CD180: variants seen among roughly 807,000 people sequenced by gnomAD.
CD180 encodes CD180 molecule.
In CD180, 11 loss-of-function variants were observed where a neutral mutation model predicts 10.7. The ratio of observed to expected loss-of-function variants is 1.03; its 90% CI spans 0.65 to 1.70. CD180 has a LOEUF of 1.70. CD180 is among the 40% of genes most tolerant of loss of function. The pLI is 0.00. For missense variants in CD180, 729 were observed against 775.2 expected, an observed-to-expected ratio of 0.94 and a Z score of 0.71; for synonymous variants, 286 against 294.6, an observed-to-expected ratio of 0.97 and a Z score of 0.30.
At chr5:67,196,255 G>T (rs1742401722) in intron 1 of CD180, among the ~76,000 whole-genome samples, 1 of 152,058 alleles carries the variant, frequency 6.6e-6, no homozygotes, top group South Asian at 2.1e-4. Context: ...CAGGTTTAGG[G>T]GTCTGCTTTG....
chr5:67,186,008 T>C lies in CD180; in HGVS notation c.100A>G (p.Asn34Asp). ...AAATTTTCACAGTTATATGTTTTGTTGGCTTCTTTCTGATGGGAGAAACAA... is the reference window on the plus strand; with the variant it reads ...AAATTTTCACAGTTATATGTTTTGTCGGCTTCTTTCTGATGGGAGAAACAA... Reference protein sequence around the residue: ...WDQMCIEKEANKTYNCENLGL... With the variant: ...WDQMCIEKEADKTYNCENLGL... Residue 34 changes from asparagine to aspartate, a missense_variant, in exon 2 of 3, where the codon AAC (asparagine) becomes GAC (aspartate). Physicochemically the swap from Asn to Asp is conservative, Grantham distance 23. Coordinates refer to ENST00000256447, the MANE Select transcript of CD180 (RefSeq NM_005582.3). 1 of 1,583,080 alleles carries C rather than the reference T, an allele frequency of 6.3e-7. No individual in the cohort carries two copies. The highest frequency in any genetic ancestry group is 2.3e-5 in the East Asian group (1 of 44,132).
Position 67,183,310 on chromosome 5 carries a change from T to C in CD180, c.1533A>G (p.Ile511Met). 1 of 1,614,184 alleles carries C rather than the reference T, an allele frequency of 6.2e-7. No individual in the cohort carries two copies. The highest frequency in any genetic ancestry group is 8.5e-7 in the Non-Finnish European group (1 of 1,180,036). ...LILSSCGLLSIDQQAFHSLGK... is the reference protein window; with the variant it reads ...LILSSCGLLSMDQQAFHSLGK... ...CCAAGCTGTGGAATGCTTGCTGGTC[T>C]ATAGAGAGGAGACCACAAGAGGACA... Residue 511 changes from isoleucine to methionine, a missense_variant, in exon 3 of 3, where the codon ATA becomes ATG. Physicochemically the swap from Ile to Met is conservative, Grantham distance 10. Transcript: ENST00000256447.
At position 67,183,025 on chromosome 5, in the gene CD180, C is replaced by A; in HGVS notation, c.1818G>T (p.Thr606=). 1 of 1,614,168 alleles carries A rather than the reference C, an allele frequency of 6.2e-7. No homozygotes were observed. Residue 606 remains threonine, a synonymous_variant, in exon 3 of 3, where the codon ACG becomes ACT. Transcript: ENST00000256447. The part of the protein sequence containing the change: ...LHKLEGSEET[T]CANPPSLRGV... ...CCCTTAGAGATGGCGGGTTTGCACA[C>A]GTGGTCTCCTCCGAGCCTTCAAGTT...
In CD180 at chr5:67,182,826, A is replaced by G. The variant is rs1742075685; in HGVS notation, c.*31T>C. 6.5e-7 allele frequency: 1 copy of G among 1,547,066 alleles called. No homozygotes were observed. The highest frequency in any genetic ancestry group is 1.9e-5 in the Admixed American group (1 of 51,824). On this transcript the variant is annotated 3_prime_UTR_variant, in exon 3 of 3. Transcript: ENST00000256447. ...CACTTAGAGCAATTTTGCTAAGCAC[A>G]CTTATTTGCTTTCTCTGGAAACCTT...
In CD180 at chr5:67,183,007, AGAT is replaced by A. The variant is rs1205368194; in HGVS notation, c.1833_1835del (p.Ser612del). Reference sequence around the variant, plus strand: ...CATCAGATAGCTTAACTCCCCTTAGAGATGGCGGGTTTGCACACGTGGTCTCCT... The same window carrying A: ...CATCAGATAGCTTAACTCCCCTTAGAGGCGGGTTTGCACACGTGGTCTCCT... On this transcript the variant is annotated inframe_deletion, in exon 3 of 3. Transcript: ENST00000256447. The A allele has an allele frequency of 6.2e-7, 1 of 1,614,198 alleles. No individual in the cohort carries two copies. Among genetic ancestry groups the A allele is most frequent in the South Asian group, 1.1e-5 (1 of 91,090 alleles).
chr5:67,192,027 A>G (rs1380552810), intron 1 of CD180, among the ~76,000 whole-genome samples: 1 of 152,210 alleles, frequency 6.6e-6, no homozygotes. Context: ...TGAGGTAGGC[A>G]AAGATTTCTT....
rs1742153632 is a variant in CD180 at position 67,184,898 on chromosome 5, C to T, written c.258-313G>A. 2.0e-5 allele frequency among the ~76,000 whole-genome samples: 3 copies of T among 151,800 alleles called. No individual in the cohort carries two copies. In the South Asian group the frequency reaches 6.2e-4, roughly 32 times the overall value. ...TTATTATTTACTGTTTTAAGTAATA[C>T]AAAATATATCATATAGAATGCATAA... On this transcript the variant is annotated intron_variant, in intron 2 of 2. Transcript: ENST00000256447.
At chr5:67,195,649 C>A (rs1184178940) in intron 1 of CD180, among the ~76,000 whole-genome samples, 1 of 152,250 alleles carries the variant, frequency 6.6e-6, no homozygotes, top group African/African-American at 2.4e-5. Context: ...CAAGGCTCTG[C>A]TCACCCAGCT....
intron 1 of CD180, among the ~76,000 whole-genome samples, chr5:67,196,064 T>C (rs1742396265): frequency 6.6e-6 from 1 of 152,198 alleles, no homozygotes; most frequent in Non-Finnish European, 1.5e-5. Flanking sequence ...GTAAAACAGA[T>C]GGAAGGCTGT....
At position 67,182,782 on chromosome 5, in the gene CD180, C is replaced by T. The variant is rs575426264; in HGVS notation, c.*75G>A. 1.0e-5 allele frequency: 13 copies of T among 1,263,866 alleles called. No homozygotes were observed. The South Asian group carries it at 1.4e-4, about 13-fold the overall frequency. The allele number at this position is 1,263,866 out of a possible 1,614,324, so 78.3% of individuals were successfully genotyped here. Reference sequence around the variant, plus strand: ...AATCTGAAAAGTCTGGTCTGGTCACCAGCAGATGACAGTTCTTTCACTTAG... The same window carrying T: ...AATCTGAAAAGTCTGGTCTGGTCACTAGCAGATGACAGTTCTTTCACTTAG... On this transcript the variant is annotated 3_prime_UTR_variant, in exon 3 of 3. Coordinates refer to ENST00000256447, the MANE Select transcript of CD180 (RefSeq NM_005582.3).
chr5:67,189,175 CA>C (rs2151167658), intron 1 of CD180, among the ~76,000 whole-genome samples: 1 of 152,314 alleles, frequency 6.6e-6, no homozygotes, highest in African/African-American at 2.4e-5. Context: ...GGCCCTACAG[CA>C]AAAGGCTCAA....
rs776059538 is a variant in CD180, at chr5:67,183,577, T to C, written c.1266A>G (p.Leu422=). The C allele has an allele frequency of 4.3e-6, 7 of 1,614,094 alleles. No homozygotes were observed. Among genetic ancestry groups the C allele is most frequent in the Non-Finnish European group, 5.1e-6 (6 of 1,180,042 alleles). Residue 422 remains leucine (L), a synonymous_variant, in exon 3 of 3, where the codon CTA becomes CTG. Coordinates refer to ENST00000256447, the MANE Select transcript of CD180 (RefSeq NM_005582.3). ...QSQAFKECPQ[L]ELLDLAFTRL... ...GGGTAAATGCCAAATCGAGGAGTTCTAGCTGAGGACATTCTTTGAATGCCT... is the reference window on the plus strand; with the variant it reads ...GGGTAAATGCCAAATCGAGGAGTTCCAGCTGAGGACATTCTTTGAATGCCT...
At chr5:67,192,020 G>A (rs1179610213) in intron 1 of CD180, among the ~76,000 whole-genome samples, 2 of 152,110 alleles carry the variant, frequency 1.3e-5, no homozygotes, top group East Asian at 1.9e-4. Flanking sequence ...ACGGTCTTGA[G>A]GTAGGCAAAG....
At chr5:67,191,228 A>T (rs1742298847) in intron 1 of CD180, 2 of 373,010 alleles carry the variant, frequency 5.4e-6, no homozygotes, top group Non-Finnish European at 3.7e-6. Context: ...GCTTGGGTTC[A>T]AATCCTAGCT....
chr5:67,190,741 C>T (rs1742289698), intron 1 of CD180, among the ~76,000 whole-genome samples: 1 of 152,212 alleles, frequency 6.6e-6, no homozygotes, highest in Non-Finnish European at 1.5e-5. Context: ...GACCTGTGCT[C>T]CCAGAGCTAC....
At position 67,184,143 on chromosome 5, in the gene CD180, T is replaced by C; in HGVS notation, c.700A>G (p.Asn234Asp). Residue 234 changes from asparagine to aspartate, a missense_variant, in exon 3 of 3, where the codon AAT becomes GAT. Physicochemically the swap from Asn to Asp is conservative, Grantham distance 23. Coordinates refer to ENST00000256447, the MANE Select transcript of CD180 (RefSeq NM_005582.3). ...FQSLNFGGTP[N>D]LSVIFNGLQN... ...AGACCATTGAATATAACAGACAAATTTGGAGTTCCTCCAAAGTTCAAACTT... is the reference window on the plus strand; with the variant it reads ...AGACCATTGAATATAACAGACAAATCTGGAGTTCCTCCAAAGTTCAAACTT... 2 of 1,614,096 alleles carry C rather than the reference T, an allele frequency of 1.2e-6. No homozygotes were observed. The highest frequency in any genetic ancestry group is 1.1e-5 in the South Asian group (1 of 91,076).
chr5:67,187,609 T>C (rs1006094461), intron 1 of CD180, among the ~76,000 whole-genome samples: 55 of 152,188 alleles, frequency 3.6e-4, no homozygotes, highest in African/African-American at 1.3e-3. Flanking sequence ...GGGGTCATTA[T>C]TTATCTGGCT....
rs1742044336 is a variant in CD180, at chr5:67,181,298, ATAT to A, written c.*1556_*1558del. On this transcript the variant is annotated 3_prime_UTR_variant, in exon 3 of 3. Transcript: ENST00000256447. ...GAGAAGAAATCCCTCAAAGGAGAAA[ATAT>A]TAGCACTGAAATCTCAAGATGAAGG... is the stretch of plus-strand genomic sequence containing the variant. 6.6e-6 allele frequency: 1 copy of A among 152,202 alleles called. No individual in the cohort carries two copies. The highest frequency in any genetic ancestry group is 1.5e-5 in the Non-Finnish European group (1 of 68,040). 9.4% of individuals were successfully genotyped at this position (152,202 alleles called of 1,614,324 possible).
chr5:67,194,376 C>T (rs1192811629), intron 1 of CD180, among the ~76,000 whole-genome samples: 1 of 149,246 alleles, frequency 6.7e-6, no homozygotes, highest in African/African-American at 2.6e-5. Context: ...ATTATAGAAT[C>T]TAAGATTTTT....
Sources: allele counts gnomAD v4.1 joint callset (sites outside exome capture counted in the v4.1 genomes callset), GRCh38; gene constraint gnomAD v4.1.1; transcripts MANE v1.5; gene names NCBI Gene and HGNC (gene_info 2026-07-23, HGNC 2026-07-21).